The following LTB4R variants were observed in gnomAD, a reference collection of about 807,000 sequenced individuals.
The protein encoded by LTB4R is leukotriene B4 receptor 1.
For missense variants in LTB4R, 470 were observed against 485.6 expected, an observed-to-expected ratio of 0.97 and a Z score of 0.30; for synonymous variants, 250 against 230.7, an observed-to-expected ratio of 1.08 and a Z score of -0.76.
intron 1 of LTB4R, among the ~76,000 whole-genome samples, chr14:24,313,143 A>G (rs1468390422): frequency 2.0e-5 from 3 of 152,158 alleles, no homozygotes; most frequent in African/African-American, 7.2e-5. Flanking sequence ...CCATCAAGGT[A>G]GATGCGGGTG....
Position 24,317,015 on chromosome 14 carries a change from G to A in LTB4R, c.*305G>A, listed in dbSNP as rs551439301. The A allele has an allele frequency of 3.1e-5, 10 of 318,790 alleles. No individual in the cohort carries two copies. The East Asian group carries it at 4.3e-4, about 14-fold the overall frequency. The allele number at this position is 318,790 out of a possible 1,614,324, so 19.7% of individuals were successfully genotyped here. On this transcript the variant is annotated 3_prime_UTR_variant, in exon 2 of 2. Coordinates refer to ENST00000345363, the MANE Select transcript of LTB4R (RefSeq NM_001143919.3). Reference sequence around the variant, plus strand: ...TGGGCGCCCTGGTGGGGCCCCTCTCGGTAGTTGAGAGTCACGTCCTTTAGT... The same window carrying A: ...TGGGCGCCCTGGTGGGGCCCCTCTCAGTAGTTGAGAGTCACGTCCTTTAGT...
chr14:24,316,002 G>T lies in LTB4R; in HGVS notation c.351G>T (p.Leu117=), dbSNP rs1237719854. 1 of 1,613,932 alleles carries T rather than the reference G, an allele frequency of 6.2e-7. No homozygotes were observed. The highest frequency in any genetic ancestry group is 8.5e-7 in the Non-Finnish European group (1 of 1,180,044). The change falls in exon 2 of 2, where the codon CTG becomes CTT. Residue 117 remains leucine (L), a synonymous_variant. Coordinates refer to ENST00000345363, the MANE Select transcript of LTB4R (RefSeq NM_001143919.3). ...CGGCCATGAGTCTAGACCGCTCACT[G>T]GCGGTGGCCCGCCCCTTTGTGTCCC... ...LITAMSLDRS[L]AVARPFVSQK...
rs748515755 is a variant in LTB4R at position 24,315,632 on chromosome 14, T to C, written c.-15-5T>C. 4 of 1,599,138 alleles carry C rather than the reference T, an allele frequency of 2.5e-6. No homozygotes were observed. Among genetic ancestry groups the C allele is most frequent in the Non-Finnish European group, 3.4e-6 (4 of 1,169,164 alleles). On this transcript the variant is annotated splice_region_variant and splice_polypyrimidine_tract_variant and intron_variant, in intron 1 of 1. Transcript: ENST00000345363. ...CTCATGCGTGTGTCCGCCCTCACTC[T>C]CCAGGTCCTCCCGACGGCCATGAAC...
chr14:24,316,662 C>G lies in LTB4R; in HGVS notation c.1011C>G (p.Ser337=), dbSNP rs777791758. 6.5e-7 allele frequency: 1 copy of G among 1,541,740 alleles called. No homozygotes were observed. Among genetic ancestry groups the G allele is most frequent in the Non-Finnish European group, 8.7e-7 (1 of 1,144,892 alleles). Residue 337 remains serine (S), a synonymous_variant, in exon 2 of 2, where the codon TCC becomes TCG. Transcript: ENST00000345363. The stretch of plus-strand genomic sequence containing the variant: ...CCGCCGCTCTGGAGCCCGGCCCTTC[C>G]GAGAGCCTCACTGCCTCCAGCCCTC... ...SGPAALEPGP[S]ESLTASSPLK... is the part of the protein sequence containing the mutation.
intron 1 of LTB4R, chr14:24,312,011 T>G (rs1012245944): frequency 6.5e-6 from 3 of 462,270 alleles, no homozygotes; most frequent in Non-Finnish European, 3.9e-6. Context: ...CAATAGCTGT[T>G]ATTGTGAAAT....
intron 1 of LTB4R, among the ~76,000 whole-genome samples, chr14:24,312,207 A>G (rs185061805): frequency 6.5e-4 from 99 of 152,286 alleles, no homozygotes; most frequent in Non-Finnish European, 1.2e-3. Context: ...AACCCATAGA[A>G]CCACTCTGGA....
rs1257684666 is a variant in LTB4R at position 24,316,043 on chromosome 14, A to C, written c.392A>C (p.Lys131Thr). Residue 131 changes from lysine to threonine, a missense_variant, in exon 2 of 2, where the codon AAG becomes ACG. By Grantham distance (78) the Lys-to-Thr change is moderately conservative. Transcript: ENST00000345363. ...RPFVSQKLRT[K>T]AMARRVLAGI... ...TTTGTGTCCCAGAAGCTACGCACCA[A>C]GGCGATGGCCCGGCGGGTGCTGGCA... The C allele has an allele frequency of 6.2e-7, 1 of 1,613,660 alleles. No homozygotes were observed. Among genetic ancestry groups the C allele is most frequent in the Admixed American group, 1.7e-5 (1 of 60,030 alleles).
chr14:24,311,812 T>C lies in LTB4R; in HGVS notation c.-16+8T>C. 7.4e-7 allele frequency: 1 copy of C among 1,349,260 alleles called. No individual in the cohort carries two copies. The highest frequency in any genetic ancestry group is 1.0e-6 in the Non-Finnish European group (1 of 996,270). The allele number at this position is 1,349,260 out of a possible 1,614,324, so 83.6% of individuals were successfully genotyped here. The stretch of plus-strand genomic sequence containing the variant: ...CCCACCCACCCTCCAGAGGTCAGTG[T>C]TCTGGGACATTTGGGGACCCTTCTT... On this transcript the variant is annotated splice_region_variant and intron_variant, in intron 1 of 1. Transcript: ENST00000345363.
chr14:24,313,711 A>C (rs1455358269), intron 1 of LTB4R: 5 of 151,316 alleles, frequency 3.3e-5, no homozygotes, highest in African/African-American at 1.2e-4. Context: ...TCAGCCTCCC[A>C]AGTAGCTGAG....
chr14:24,316,383 G>A lies in LTB4R; in HGVS notation c.732G>A (p.Glu244=), dbSNP rs777510348. The A allele has an allele frequency of 3.8e-6, 6 of 1,590,664 alleles. No homozygotes were observed. In the South Asian group the frequency reaches 6.7e-5, roughly 18 times the overall value. Residue 244 remains glutamate (E), a synonymous_variant, in exon 2 of 2, where the codon GAG becomes GAA. Coordinates refer to ENST00000345363, the MANE Select transcript of LTB4R (RefSeq NM_001143919.3). ...CCTACCACGTGGTGAACCTGGCTGAGGCGGGCCGCGCGCTGGCCGGCCAGG... is the reference window on the plus strand; with the variant it reads ...CCTACCACGTGGTGAACCTGGCTGAAGCGGGCCGCGCGCTGGCCGGCCAGG... ...WLPYHVVNLA[E]AGRALAGQAA... is the part of the protein sequence containing the mutation.
chr14:24,311,712 G>C lies in LTB4R; in HGVS notation c.-108G>C, dbSNP rs78449402. 1.2e-3 allele frequency: 1,991 copies of C among 1,602,166 alleles called. 23 individuals carry two copies. The African/African-American group carries it at 0.021, about 17-fold the overall frequency. ...CAATGGAGACCCGGGGGGTGGGATG[G>C]AGAAGGACGGTCCGGAATGGGACCT... On this transcript the variant is annotated 5_prime_UTR_variant, in exon 1 of 2. Coordinates refer to ENST00000345363, the MANE Select transcript of LTB4R (RefSeq NM_001143919.3).
At position 24,315,931 on chromosome 14, in the gene LTB4R, C is replaced by T. The variant is rs1229701520; in HGVS notation, c.280C>T (p.His94Tyr). Residue 94 changes from histidine to tyrosine, a missense_variant, in exon 2 of 2, where the codon CAC becomes TAC. By Grantham distance (83) the His-to-Tyr change is moderately conservative. Coordinates refer to ENST00000345363, the MANE Select transcript of LTB4R (RefSeq NM_001143919.3). ...SFGLAGCRLC[H>Y]YVCGVSMYAS... ...TGGACTGGCTGGTTGCCGCCTGTGT[C>T]ACTATGTCTGCGGAGTCAGCATGTA... The T allele has an allele frequency of 6.2e-7, 1 of 1,614,054 alleles. No individual in the cohort carries two copies. Among genetic ancestry groups the T allele is most frequent in the Non-Finnish European group, 8.5e-7 (1 of 1,180,058 alleles).
intron 1 of LTB4R, among the ~76,000 whole-genome samples, chr14:24,315,424 G>C (rs1045776616): frequency 1.3e-5 from 2 of 152,148 alleles, no homozygotes; most frequent in African/African-American, 4.8e-5. Flanking sequence ...TGGACAGGAA[G>C]GGGCCGCATG....
At position 24,316,602 on chromosome 14, in the gene LTB4R, CG is replaced by C; in HGVS notation, c.956del (p.Gly319AlafsTer30). 1.4e-6 allele frequency: 2 copies of C among 1,467,324 alleles called. No individual in the cohort carries two copies. Among genetic ancestry groups the C allele is most frequent in the Non-Finnish European group, 1.8e-6 (2 of 1,115,886 alleles). 90.9% of individuals were successfully genotyped at this position (1,467,324 alleles called of 1,614,324 possible). ...TGSEASSTRRGGSLGQTARSG... is the reference protein window; with the variant it reads ...TGSEASSTRRXGSLGQTARSG... The stretch of plus-strand genomic sequence containing the variant: ...GCTCCGAGGCGTCCAGCACGCGCCG[CG>C]GGGGCAGCCTGGGCCAGACCGCTAG... On this transcript the variant is annotated frameshift_variant, in exon 2 of 2. Transcript: ENST00000345363. LOFTEE classifies it low-confidence loss of function (END_TRUNC).
chr14:24,311,612 G>T lies in LTB4R; in HGVS notation c.-208G>T. On this transcript the variant is annotated 5_prime_UTR_variant, in exon 1 of 2. Coordinates refer to ENST00000345363, the MANE Select transcript of LTB4R (RefSeq NM_001143919.3). The stretch of plus-strand genomic sequence containing the variant: ...TCGAAGGCTCTGGGGAGGCCCGAGG[G>T]GGCGGCCGCTCTAGGGAAGGGACCA... 6.2e-7 allele frequency: 1 copy of T among 1,612,892 alleles called. No homozygotes were observed. The highest frequency in any genetic ancestry group is 8.5e-7 in the Non-Finnish European group (1 of 1,180,016).
chr14:24,311,578 C>A lies in LTB4R; in HGVS notation c.-242C>A. 6.2e-7 allele frequency: 1 copy of A among 1,611,168 alleles called. No individual in the cohort carries two copies. Among genetic ancestry groups the A allele is most frequent in the Non-Finnish European group, 8.5e-7 (1 of 1,180,002 alleles). The stretch of plus-strand genomic sequence containing the variant: ...CCCCGGGCAGGTCCCCGTTTCCTCA[C>A]GCGGCTCTTCGAAGGCTCTGGGGAG... On this transcript the variant is annotated 5_prime_UTR_variant, in exon 1 of 2. Transcript: ENST00000345363.
rs2041770014 is a variant in LTB4R, at chr14:24,316,288, T to A, written c.637T>A (p.Phe213Ile). 1 of 1,605,630 alleles carries A rather than the reference T, an allele frequency of 6.2e-7. No homozygotes were observed. ...DIGRRLQARR[F>I]RRSRRTGRLV... The stretch of plus-strand genomic sequence containing the variant: ...AGGGCGTCGGCTACAGGCCCGGCGC[T>A]TCCGCCGCAGCCGCCGCACCGGCCG... Residue 213 changes from phenylalanine to isoleucine, a missense_variant, in exon 2 of 2, where the codon TTC becomes ATC. Phe to Ile is a conservative substitution (Grantham distance 21, BLOSUM62 0). Coordinates refer to ENST00000345363, the MANE Select transcript of LTB4R (RefSeq NM_001143919.3).
Position 24,315,628 on chromosome 14 carries a change from A to C in LTB4R, c.-15-9A>C. The C allele has an allele frequency of 1.9e-6, 3 of 1,588,638 alleles. No homozygotes were observed. The highest frequency in any genetic ancestry group is 2.6e-6 in the Non-Finnish European group (3 of 1,160,784). Reference sequence around the variant, plus strand: ...TACTCTCATGCGTGTGTCCGCCCTCACTCTCCAGGTCCTCCCGACGGCCAT... The same window carrying C: ...TACTCTCATGCGTGTGTCCGCCCTCCCTCTCCAGGTCCTCCCGACGGCCAT... On this transcript the variant is annotated splice_polypyrimidine_tract_variant and intron_variant, in intron 1 of 1. Transcript: ENST00000345363.
chr14:24,316,181 A>G lies in LTB4R; in HGVS notation c.530A>G (p.His177Arg), dbSNP rs1423471943. ...TTCCCGCGGTACCCCAGCGAAGGGC[A>G]CCGGGCCTTCCATCTAATCTTCGAG... ...LCFPRYPSEG[H>R]RAFHLIFEAV... The change falls in exon 2 of 2, where the codon CAC becomes CGC. Residue 177 changes from histidine (H) to arginine (R), a missense_variant. Transcript: ENST00000345363. The G allele has an allele frequency of 1.2e-6, 2 of 1,613,884 alleles. No homozygotes were observed. The highest frequency in any genetic ancestry group is 1.7e-6 in the Non-Finnish European group (2 of 1,180,028).
Sources: gnomAD v4.1 joint callset for allele counts (sites outside exome capture counted in the v4.1 genomes callset) on GRCh38, gnomAD v4.1.1 for gene constraint, MANE v1.5 for transcripts, NCBI Gene and HGNC (gene_info 2026-07-23, HGNC 2026-07-21) for gene names.